The following NAV3 variants were observed in gnomAD, a reference collection of about 807,000 sequenced individuals.
NAV3 encodes pore membrane and/or filament interacting like protein 1.
In NAV3, 87 loss-of-function variants were observed where a neutral mutation model predicts 244.7. That is an observed-to-expected ratio of 0.36 (90% CI 0.30 to 0.42). The LOEUF is 0.42. Among genes scored for constraint, NAV3 ranks in the 20% least tolerant of loss-of-function variants. The probability of loss-of-function intolerance (pLI) is 1.00; values close to 1 mark genes in which losing one functional copy is unlikely to be tolerated. For synonymous variants in NAV3, 1,126 were observed against 1,042.2 expected (o/e 1.08, Z -1.55); for missense variants, 2,663 against 2,893.3 (o/e 0.92, Z 1.83).
In NAV3 at chr12:78,127,215, A is replaced by G. The variant is rs779513021; in HGVS notation, c.4280+7A>G. 1 of 1,612,912 alleles carries G rather than the reference A, an allele frequency of 6.2e-7. No individual in the cohort carries two copies. The highest frequency in any genetic ancestry group is 1.1e-5 in the South Asian group (1 of 90,948). On this transcript the variant is annotated splice_region_variant and intron_variant, in intron 17 of 39. Transcript: ENST00000397909. ...TACCCAAAAAGGGACTAAGGTATAT[A>G]TTCCTCTCAGCACAATTGCTACCTC...
chr12:77,847,253 G>A (rs940603020), intron 1 of NAV3, among the ~76,000 whole-genome samples: 1 of 152,176 alleles, frequency 6.6e-6, no homozygotes, highest in Non-Finnish European at 1.5e-5. Context: ...TTCTGTGTGT[G>A]AGAATCTTCG....
chr12:77,676,066 A>C (rs112791360), intron 2 of NAV3, among the ~76,000 whole-genome samples: 4 of 152,010 alleles, frequency 2.6e-5, no homozygotes, highest in African/African-American at 9.6e-5. Flanking sequence ...GCAGCTTTGG[A>C]GTGCTAGCTT....
intron 2 of NAV3, among the ~76,000 whole-genome samples, chr12:77,784,178 A>G (rs1333119480): frequency 6.6e-6 from 1 of 152,160 alleles, no homozygotes; most frequent in Non-Finnish European, 1.5e-5. Flanking sequence ...AGTAGATGTG[A>G]TCATGCTATA....
At chr12:77,741,148 C>CAAAAAAAAAAAAAAAAAAAAAAGAAAA in intron 2 of NAV3, among the ~76,000 whole-genome samples, 1 of 68,668 alleles carries the variant, frequency 1.5e-5, no homozygotes, top group East Asian at 4.6e-4. Flanking sequence ...AAAAAAAAGA[C>CAAAAAAAAAAAAAAAAAAAAAAGAAAA]AAAAAAAAAA....
intron 1 of NAV3, among the ~76,000 whole-genome samples, chr12:77,906,090 G>A (rs956751725): frequency 7.2e-5 from 11 of 152,126 alleles, no homozygotes; most frequent in Admixed American, 3.9e-4. Context: ...GAGAGCTATA[G>A]GCACTGGATT....
At chr12:78,009,099 A>C (rs931640452) in intron 8 of NAV3, among the ~76,000 whole-genome samples, 2 of 152,206 alleles carry the variant, frequency 1.3e-5, no homozygotes, top group African/African-American at 2.4e-5. Context: ...TTTTAAAAAA[A>C]TTGTTTGCAA....
chr12:77,847,443 T>C (rs1876828875), intron 1 of NAV3, among the ~76,000 whole-genome samples: 1 of 152,106 alleles, frequency 6.6e-6, no homozygotes, highest in Non-Finnish European at 1.5e-5. Flanking sequence ...TTTCTTTAGC[T>C]CTTATGTATG....
At chr12:77,976,424 A>C (rs1273799767) in intron 5 of NAV3, among the ~76,000 whole-genome samples, 1 of 152,140 alleles carries the variant, frequency 6.6e-6, no homozygotes, top group Non-Finnish European at 1.5e-5. Context: ...GAGATCAAGG[A>C]GATGGCAAGA....
chr12:77,933,301 G>A (rs750426325), intron 1 of NAV3, among the ~76,000 whole-genome samples: 30 of 152,122 alleles, frequency 2.0e-4, no homozygotes, highest in Non-Finnish European at 3.1e-4. Context: ...GAGATGATGA[G>A]AAGCGACCCA....
intron 2 of NAV3, among the ~76,000 whole-genome samples, chr12:77,824,687 G>A (rs962018826): frequency 6.6e-6 from 1 of 151,956 alleles, no homozygotes; most frequent in African/African-American, 2.4e-5. Flanking sequence ...GAAGTCAGGA[G>A]TTTGAGACCA....
chr12:77,667,939 G>C (rs914837155), intron 2 of NAV3, among the ~76,000 whole-genome samples: 1 of 152,128 alleles, frequency 6.6e-6, no homozygotes, highest in Non-Finnish European at 1.5e-5. Context: ...TGGTATCCAT[G>C]GCTGAAAGAC....
At chr12:78,122,490 C>A (rs2138711595) in intron 16 of NAV3, 62 bp downstream of exon 16, 7 of 1,495,536 alleles carry the variant, frequency 4.7e-6, no homozygotes, top group East Asian at 2.3e-5. Flanking sequence ...TGCCTAACCC[C>A]CACCCCATTA....
chr12:77,624,850 T>G (rs1871545272), intron 2 of NAV3, among the ~76,000 whole-genome samples: 1 of 152,186 alleles, frequency 6.6e-6, no homozygotes, highest in African/African-American at 2.4e-5. Flanking sequence ...AGTGGCTTAT[T>G]TTAGATTGTA....
chr12:77,870,425 A>C (rs1592843617), intron 1 of NAV3, among the ~76,000 whole-genome samples: 1 of 152,056 alleles, frequency 6.6e-6, no homozygotes, highest in African/African-American at 2.4e-5. Context: ...TTCAAGCAAG[A>C]ATATATAGGG....
At chr12:77,718,765 C>T (rs1227118280) in intron 2 of NAV3, among the ~76,000 whole-genome samples, 1 of 152,030 alleles carries the variant, frequency 6.6e-6, no homozygotes, top group African/African-American at 2.4e-5. Context: ...TCAAGTGATT[C>T]TCCTGCCTCA....
In NAV3 at chr12:77,862,746, C is replaced by T. The variant is rs567900706; in HGVS notation, c.243+31042C>T. On this transcript the variant is annotated intron_variant, in intron 1 of 39. Coordinates refer to ENST00000397909, the MANE Select transcript of NAV3 (RefSeq NM_001024383.2). ...CATTTCATCGGTGGTGATATGTGAC[C>T]TTCTTCTTAAAACATTATTTTGATT... Among the ~76,000 whole-genome samples the T allele has an allele frequency of 1.1e-3, 173 of 151,642 alleles. 1 individual carries two copies. Among genetic ancestry groups the T allele is most frequent in the Admixed American group, 5.7e-3 (87 of 15,194 alleles).
intron 7 of NAV3, 25 bp downstream of exon 7, chr12:77,998,501 A>G (rs953602073): frequency 1.3e-5 from 20 of 1,579,370 alleles, no homozygotes; most frequent in Non-Finnish European, 1.6e-5. Context: ...CATCATTATG[A>G]CACAAGTCCA....
chr12:77,718,289 G>A (rs1230447764), intron 2 of NAV3, among the ~76,000 whole-genome samples: 1 of 151,846 alleles, frequency 6.6e-6, no homozygotes, highest in Non-Finnish European at 1.5e-5. Flanking sequence ...TTTTTTGCAT[G>A]CGGATTTTCC....
chr12:77,740,378 G>C (rs144766931), intron 2 of NAV3, among the ~76,000 whole-genome samples: 2,149 of 152,026 alleles, frequency 0.014, 29 homozygotes, highest in Middle Eastern at 0.068. Flanking sequence ...ACAGAGAAAA[G>C]GGCAATTTTA....
Sources: allele counts gnomAD v4.1 joint callset (sites outside exome capture counted in the v4.1 genomes callset), GRCh38; gene constraint gnomAD v4.1.1; transcripts MANE v1.5; gene names NCBI Gene and HGNC (gene_info 2026-07-23, HGNC 2026-07-21).